Variants in SCFD2 observed in about 807,000 individuals in gnomAD.
SCFD2 encodes the protein sec1 family domain containing 2.
Under a neutral mutation model 58.9 loss-of-function variants are expected in SCFD2, and 54 were observed. The observed-to-expected ratio is 0.92, with a 90% CI of 0.74 to 1.15. The LOEUF is 1.15. Ranked by LOEUF, SCFD2 falls within the 50% of genes most tolerant of loss-of-function variation. The pLI is 0.00. For missense variants in SCFD2, 805 were observed against 836.6 expected (o/e 0.96, Z 0.47); for synonymous variants, 321 against 335.9 (o/e 0.96, Z 0.49).
intron 4 of SCFD2, among the ~76,000 whole-genome samples, chr4:53,232,979 C>T (rs1729485515): frequency 6.6e-6 from 1 of 152,130 alleles, no homozygotes; most frequent in Non-Finnish European, 1.5e-5. Context: ...GTCTCAGGCA[C>T]CCACTAATGT....
chr4:52,988,851 C>A (rs1304209200), intron 5 of SCFD2, among the ~76,000 whole-genome samples: 1 of 152,170 alleles, frequency 6.6e-6, no homozygotes, highest in African/African-American at 2.4e-5. Context: ...GTCTCCCCCA[C>A]CTTTTTGATG....
At chr4:53,181,103 G>A (rs1296547538) in intron 4 of SCFD2, among the ~76,000 whole-genome samples, 14 of 152,270 alleles carry the variant, frequency 9.2e-5, no homozygotes, top group African/African-American at 3.1e-4. Context: ...CATTCCTTCT[G>A]AAATCAATAG....
chr4:53,155,632 A>G (rs923859687), intron 4 of SCFD2, among the ~76,000 whole-genome samples: 1 of 152,214 alleles, frequency 6.6e-6, no homozygotes, highest in Non-Finnish European at 1.5e-5. Context: ...CACCTGTACC[A>G]CTAGGGATCC....
intron 4 of SCFD2, among the ~76,000 whole-genome samples, chr4:53,237,463 CGGGGGGGCTG>C (rs1560402625): frequency 8.9e-5 from 11 of 123,818 alleles, no homozygotes; most frequent in Middle Eastern, 4.8e-3. Flanking sequence ...TCTGGCCGGG[CGGGGGGGCTG>C]ACCCCCCCAC....
At chr4:53,231,237 C>G (rs937062781) in intron 4 of SCFD2, among the ~76,000 whole-genome samples, 7 of 152,154 alleles carry the variant, frequency 4.6e-5, no homozygotes, top group African/African-American at 1.7e-4. Context: ...TGCTCACGAT[C>G]TGTGCTGACT....
chr4:53,249,950 A>G (rs1381357508), intron 4 of SCFD2, among the ~76,000 whole-genome samples: 1 of 152,222 alleles, frequency 6.6e-6, no homozygotes, highest in African/African-American at 2.4e-5. Flanking sequence ...ACACATAACA[A>G]TGTCAACTTT....
intron 5 of SCFD2, among the ~76,000 whole-genome samples, chr4:53,069,889 A>G (rs1723769425): frequency 1.3e-5 from 2 of 152,062 alleles, no homozygotes; most frequent in Non-Finnish European, 2.9e-5. Flanking sequence ...TTCCACTTTA[A>G]TAATATACAT....
At chr4:52,936,822 T>C (rs1720150085) in intron 5 of SCFD2, among the ~76,000 whole-genome samples, 1 of 152,252 alleles carries the variant, frequency 6.6e-6, no homozygotes, top group Admixed American at 6.5e-5. Context: ...CTTCTGCAAC[T>C]TCTTTGTACT....
intron 2 of SCFD2, among the ~76,000 whole-genome samples, chr4:53,349,606 A>G (rs1167900146): frequency 6.6e-6 from 1 of 152,218 alleles, no homozygotes; most frequent in African/African-American, 2.4e-5. Context: ...CTAAAGCATC[A>G]CTGCCAAGGG....
intron 4 of SCFD2, among the ~76,000 whole-genome samples, chr4:53,189,135 T>C (rs1359716275): frequency 6.6e-6 from 1 of 152,240 alleles, no homozygotes; most frequent in Non-Finnish European, 1.5e-5. Flanking sequence ...CACGTTCCTT[T>C]TGCTGGAGTT....
Position 53,365,597 on chromosome 4 carries a change from A to G in SCFD2, c.345T>C (p.Ala115=). 1.2e-6 allele frequency: 2 copies of G among 1,614,206 alleles called. No homozygotes were observed. Among genetic ancestry groups the G allele is most frequent in the Non-Finnish European group, 1.7e-6 (2 of 1,180,024 alleles). ...TTVSHAVHLT[A]NHVPAAAAAE... ...CCGCTGCCGCCGCTGGGACATGATT[A>G]GCTGTGAGGTGGACAGCGTGGCTCA... The change falls in exon 1 of 9, where the codon GCT becomes GCC. Residue 115 remains alanine (A), a synonymous_variant. Transcript: ENST00000401642. This position sits in a 1 kb window ranked among gnomAD's most constrained non-coding sequence, Gnocchi z 4.3.
chr4:53,042,722 C>A (rs931289815), intron 5 of SCFD2, among the ~76,000 whole-genome samples: 2 of 151,890 alleles, frequency 1.3e-5, no homozygotes, highest in Non-Finnish European at 2.9e-5. Context: ...GCGAATTCAG[C>A]CATTTTATCC....
chr4:52,882,146 G>A (rs1165409907), intron 8 of SCFD2, among the ~76,000 whole-genome samples: 1 of 152,148 alleles, frequency 6.6e-6, no homozygotes, highest in Non-Finnish European at 1.5e-5. Context: ...ACATCGTCAG[G>A]GGATTCAGGT....
At chr4:53,203,588 G>A (rs139296289) in intron 4 of SCFD2, among the ~76,000 whole-genome samples, 1,887 of 152,058 alleles carry the variant, frequency 0.012, 33 homozygotes, top group South Asian at 0.074. Context: ...AAATAAACTT[G>A]AAGGAGATAG....
At chr4:53,012,156 G>A (rs1265313685) in intron 5 of SCFD2, among the ~76,000 whole-genome samples, 1 of 151,920 alleles carries the variant, frequency 6.6e-6, no homozygotes, top group Non-Finnish European at 1.5e-5. Context: ...TAGTTTTCAG[G>A]TTCAAGTATG....
At chr4:53,290,086 A>C (rs1731791006) in intron 3 of SCFD2, among the ~76,000 whole-genome samples, 1 of 152,208 alleles carries the variant, frequency 6.6e-6, no homozygotes, top group East Asian at 1.9e-4. Flanking sequence ...AAAATTAATA[A>C]GGAAATACTG....
intron 5 of SCFD2, among the ~76,000 whole-genome samples, chr4:52,982,633 C>G (rs771418425): frequency 2.4e-4 from 36 of 152,114 alleles, no homozygotes; most frequent in Non-Finnish European, 4.9e-4. Context: ...AAAATTGATT[C>G]ATTTATAAGA....
At chr4:53,308,479 C>G (rs1732583645) in intron 3 of SCFD2, among the ~76,000 whole-genome samples, 1 of 152,098 alleles carries the variant, frequency 6.6e-6, no homozygotes, top group Non-Finnish European at 1.5e-5. Context: ...ACTCTTTCTC[C>G]TCCCATCCCT....
In SCFD2 at chr4:53,313,643, C is replaced by T. The variant is rs1406597561; in HGVS notation, c.1128G>A (p.Met376Ile). 6.2e-6 allele frequency: 10 copies of T among 1,613,970 alleles called. No homozygotes were observed. Among genetic ancestry groups the T allele is most frequent in the African/African-American group, 1.3e-5 (1 of 75,060 alleles). Residue 376 changes from methionine to isoleucine, a missense_variant, in exon 3 of 9, where the codon ATG becomes ATA. Met to Ile is a conservative substitution (Grantham distance 10). This residue lies in a region of SCFD2 where 633 missense variants were observed against 646.8 expected (regional missense o/e 0.98). Transcript: ENST00000401642. ...TCCTAGGTTTAGGCTTACCCATACT[C>T]ATCTTGATTGGCAGGTTTTCTCTGC... ...AASRENLPIKMSMGRVTPGQL... is the reference protein window; with the variant it reads ...AASRENLPIKISMGRVTPGQL...
Sources: allele counts gnomAD v4.1 joint callset (sites outside exome capture counted in the v4.1 genomes callset), GRCh38; gene constraint gnomAD v4.1.1; regional missense constraint gnomAD v4.1.1; non-coding constraint Gnocchi (gnomAD v3.1); transcripts MANE v1.5; gene names NCBI Gene and HGNC (gene_info 2026-07-23, HGNC 2026-07-21).